EIF5B: variants seen among roughly 807,000 people sequenced by gnomAD.
EIF5B encodes eukaryotic translation initiation factor 5B, also known as eIF-5B.
In EIF5B, 47 loss-of-function variants were observed where a neutral mutation model predicts 147.5. The observed-to-expected ratio is 0.32, with a 90% CI of 0.25 to 0.41. EIF5B has a LOEUF of 0.41. EIF5B is among the 10% of genes least tolerant of loss of function. EIF5B has a pLI of 1.00. For synonymous variants in EIF5B, 455 were observed against 456.2 expected, an observed-to-expected ratio of 1.00 and a Z score of 0.03; for missense variants, 1,064 against 1,413.2, an observed-to-expected ratio of 0.75 and a Z score of 3.96.
chr2:99,394,408 T>A lies in EIF5B; in HGVS notation c.3012+10T>A. The A allele has an allele frequency of 6.2e-7, 1 of 1,613,740 alleles. No homozygotes were observed. Among genetic ancestry groups the A allele is most frequent in the Non-Finnish European group, 8.5e-7 (1 of 1,179,914 alleles). On this transcript the variant is annotated intron_variant, in intron 19 of 23. Coordinates refer to ENST00000289371, the MANE Select transcript of EIF5B (RefSeq NM_015904.4). ...AACATCAGAAGTGCCCGTAAGTAAC[T>A]ACAACTCGCTCCACAAGTGAATGGT...
In EIF5B at chr2:99,363,858, A is replaced by C; in HGVS notation, c.1133A>C (p.Glu378Ala). 5.0e-6 allele frequency: 8 copies of C among 1,604,112 alleles called. No homozygotes were observed. Among genetic ancestry groups the C allele is most frequent in the Non-Finnish European group, 5.9e-6 (7 of 1,177,518 alleles). ...GAAGAATTAGAAGCCAAGCGTAAAG[A>C]AGAGGTATGTTTTCATGAAGTTGGT... ...RLEELEAKRK[E>A]EERLEQEKRE... The change falls in exon 5 of 24, where the codon GAA (glutamate) becomes GCA (alanine). Residue 378 changes from glutamate to alanine, a missense_variant. Physicochemically the swap from Glu to Ala is moderately radical, Grantham distance 107. Transcript: ENST00000289371.
At chr2:99,395,993 T>C (rs12053237) in intron 21 of EIF5B, among the ~76,000 whole-genome samples, 1,674 of 152,224 alleles carry the variant, frequency 0.011, 9 homozygotes, top group Middle Eastern at 0.024. Context: ...ATTGGGTTGT[T>C]ATGTGGACCT....
intron 1 of EIF5B, among the ~76,000 whole-genome samples, chr2:99,348,167 G>T (rs2094277254): frequency 6.6e-6 from 1 of 152,212 alleles, no homozygotes; most frequent in African/African-American, 2.4e-5. Context: ...GCTGAATTTT[G>T]TAGAAGGTGA....
intron 17 of EIF5B, among the ~76,000 whole-genome samples, chr2:99,391,542 A>G (rs554520566): frequency 6.6e-6 from 1 of 152,280 alleles, no homozygotes; most frequent in South Asian, 2.1e-4. Flanking sequence ...CTTCTTCCTG[A>G]TCAACTCCCC....
intron 14 of EIF5B, among the ~76,000 whole-genome samples, chr2:99,385,332 A>G (rs1349506639): frequency 1.3e-5 from 2 of 152,228 alleles, no homozygotes; most frequent in African/African-American, 4.8e-5. Flanking sequence ...GGCGTGAGCC[A>G]CTGCGCCCAG....
chr2:99,394,592 A>G lies in EIF5B; in HGVS notation c.3089+7A>G, dbSNP rs1342130968. 1.9e-6 allele frequency: 3 copies of G among 1,614,132 alleles called. No individual in the cohort carries two copies. Among genetic ancestry groups the G allele is most frequent in the Non-Finnish European group, 2.5e-6 (3 of 1,180,000 alleles). ...TGTTGGAACATGACCCTCAGTAAGT[A>G]ATTTCTCTTGCTATGAAGGCTTTCA... On this transcript the variant is annotated splice_region_variant and intron_variant, in intron 20 of 23. Coordinates refer to ENST00000289371, the MANE Select transcript of EIF5B (RefSeq NM_015904.4).
chr2:99,372,647 T>A (rs1466556626), intron 9 of EIF5B, among the ~76,000 whole-genome samples: 2 of 152,204 alleles, frequency 1.3e-5, no homozygotes, highest in African/African-American at 4.8e-5. Flanking sequence ...CTAGTGTATT[T>A]CTTAATTTAC....
chr2:99,387,988 T>C (rs1246495886), intron 14 of EIF5B, among the ~76,000 whole-genome samples: 1 of 152,192 alleles, frequency 6.6e-6, no homozygotes, highest in African/African-American at 2.4e-5. Context: ...TTCTTTACTT[T>C]CTCTTGGCAA....
chr2:99,345,328 C>T lies in EIF5B; in HGVS notation c.35+7739C>T, dbSNP rs567246768. Among the ~76,000 whole-genome samples, 14 of 152,174 alleles carry T rather than the reference C, an allele frequency of 9.2e-5. No homozygotes were observed. The South Asian group carries it at 2.1e-3, about 23-fold the overall frequency. Reference sequence around the variant, plus strand: ...CATGCGACCGGGCATGGTGGTGGCTCGTGCCTGTAATTGCAGAACTTTGGG... The same window carrying T: ...CATGCGACCGGGCATGGTGGTGGCTTGTGCCTGTAATTGCAGAACTTTGGG... On this transcript the variant is annotated intron_variant, in intron 1 of 23. Coordinates refer to ENST00000289371, the MANE Select transcript of EIF5B (RefSeq NM_015904.4).
Position 99,369,464 on chromosome 2 carries a change from C to T in EIF5B, c.1460C>T (p.Pro487Leu), listed in dbSNP as rs775491897. The T allele has an allele frequency of 6.8e-6, 11 of 1,609,454 alleles. No homozygotes were observed. Among genetic ancestry groups the T allele is most frequent in the Non-Finnish European group, 8.5e-6 (10 of 1,177,024 alleles). The change falls in exon 8 of 24, where the codon CCA becomes CTA. Residue 487 changes from proline (P) to leucine (L), a missense_variant. Pro to Leu is a moderately conservative substitution (Grantham distance 98). Transcript: ENST00000289371. ...GGAGTACCAGAAAAGGAAGAGACAC[C>T]ACCTCCTGTTGAACCAGGCGGGTAG... ...EQGVPEKEET[P>L]PPVEPEEEED...
At chr2:99,367,041 A>G (rs770211624) in intron 6 of EIF5B, among the ~76,000 whole-genome samples, 2 of 152,224 alleles carry the variant, frequency 1.3e-5, no homozygotes, top group African/African-American at 2.4e-5. Flanking sequence ...ATTGACCCAA[A>G]TGGGTATCAT....
chr2:99,375,747 C>A lies in EIF5B; in HGVS notation c.1553-600C>A, dbSNP rs1674551516. The stretch of plus-strand genomic sequence containing the variant: ...GATTTCGTTTTAGCATATAGACAAA[C>A]ACCTTGCGTTTATGATGTATGAAAA... On this transcript the variant is annotated intron_variant, in intron 9 of 23. Coordinates refer to ENST00000289371, the MANE Select transcript of EIF5B (RefSeq NM_015904.4). 2.0e-5 allele frequency among the ~76,000 whole-genome samples: 3 copies of A among 152,158 alleles called. No homozygotes were observed. In the South Asian group the frequency reaches 6.2e-4, roughly 32 times the overall value.
At position 99,337,537 on chromosome 2, in the gene EIF5B, G is replaced by A; in HGVS notation, c.-18G>A. The A allele has an allele frequency of 2.5e-6, 4 of 1,611,658 alleles. No homozygotes were observed. Among genetic ancestry groups the A allele is most frequent in the Middle Eastern group, 1.7e-4 (1 of 6,054 alleles). On this transcript the variant is annotated 5_prime_UTR_variant, in exon 1 of 24. Transcript: ENST00000289371. ...GACCGAATAGAGGGGCTGGGGCCAC[G>A]AGCGCCATTGACAAGCAATGGGGAA...
rs759278791 is a variant in EIF5B, at chr2:99,368,488, C to T, written c.1289-5C>T. 3 of 1,610,132 alleles carry T rather than the reference C, an allele frequency of 1.9e-6. No homozygotes were observed. The African/African-American group carries it at 4.0e-5, about 22-fold the overall frequency. ...AGCCTGAAGTTTTTCATTTTTATCC[C>T]TCAGGTGTTGAAGTGCCATCAAAAG... On this transcript the variant is annotated splice_polypyrimidine_tract_variant and splice_region_variant and intron_variant, in intron 6 of 23. Coordinates refer to ENST00000289371, the MANE Select transcript of EIF5B (RefSeq NM_015904.4).
In EIF5B at chr2:99,389,792, T is replaced by TACA; in HGVS notation, c.2348_2350dup (p.Thr783dup). ...CTACTTTAAAGAAGCAGAAAAAGAATACAAAAGATGAATTTGAGGAGCGAG... is the reference window on the plus strand; with the variant it reads ...CTACTTTAAAGAAGCAGAAAAAGAATACAACAAAAGATGAATTTGAGGAGCGAG... On this transcript the variant is annotated inframe_insertion, in exon 15 of 24. Transcript: ENST00000289371. The TACA allele has an allele frequency of 6.2e-7, 1 of 1,613,606 alleles. No individual in the cohort carries two copies. Among genetic ancestry groups the TACA allele is most frequent in the Non-Finnish European group, 8.5e-7 (1 of 1,179,850 alleles).
At chr2:99,387,922 G>A (rs1319103143) in intron 14 of EIF5B, among the ~76,000 whole-genome samples, 2 of 152,040 alleles carry the variant, frequency 1.3e-5, no homozygotes, top group Admixed American at 6.5e-5. Context: ...ATCTGCCCAC[G>A]TCAGCCTCCC....
intron 1 of EIF5B, among the ~76,000 whole-genome samples, chr2:99,342,256 T>C (rs912320916): frequency 2.6e-5 from 4 of 152,194 alleles, no homozygotes; most frequent in African/African-American, 9.7e-5. Context: ...AATGTAATAC[T>C]TGCCAAGGTA....
chr2:99,382,985 A>C (rs1326870094), intron 14 of EIF5B, 64 bp downstream of exon 14: 33 of 1,486,782 alleles, frequency 2.2e-5, no homozygotes, highest in African/African-American at 4.2e-5. Context: ...GTGATTAAAA[A>C]AAGTAGTATA....
In EIF5B at chr2:99,394,648, C is replaced by A. The variant is rs1157718770; in HGVS notation, c.3089+63C>A. 1.9e-6 allele frequency: 3 copies of A among 1,611,098 alleles called. No homozygotes were observed. The African/African-American group carries it at 4.0e-5, about 22-fold the overall frequency. ...CGTAGCTATCTTAAAACTGTCCTATCTTAAAAAACTGTCCTCTGTGACATA... is the reference window on the plus strand; with the variant it reads ...CGTAGCTATCTTAAAACTGTCCTATATTAAAAAACTGTCCTCTGTGACATA... On this transcript the variant is annotated intron_variant, in intron 20 of 23. Transcript: ENST00000289371.
Sources: allele counts gnomAD v4.1 joint callset (sites outside exome capture counted in the v4.1 genomes callset), GRCh38; gene constraint gnomAD v4.1.1; transcripts MANE v1.5; gene names NCBI Gene and HGNC (gene_info 2026-07-23, HGNC 2026-07-21).